Variants in PKIB observed in about 807,000 individuals in gnomAD.
PKIB encodes PKI-beta.
Under a neutral mutation model 4.5 loss-of-function variants are expected in PKIB, and 2 were observed. That is an observed-to-expected ratio of 0.44 (90% CI 0.18 to 1.39). The LOEUF is 1.39. Among genes scored for constraint, PKIB ranks in the 40% most tolerant of loss-of-function variants. The pLI, the probability that PKIB is intolerant of heterozygous loss-of-function variation, is 0.27. For synonymous variants in PKIB, 38 were observed against 36.0 expected (o/e 1.06, Z -0.20); for missense variants, 94 against 92.6 (o/e 1.02, Z -0.06).
At chr6:122,501,898 T>G (rs1484113822) in intron 2 of PKIB, among the ~76,000 whole-genome samples, 3 of 151,456 alleles carry the variant, frequency 2.0e-5, no homozygotes, top group Non-Finnish European at 4.4e-5. Context: ...TTTATGCAAA[T>G]AAGCATAGGC....
chr6:122,595,441 C>A (rs1343364182), intron 3 of PKIB, among the ~76,000 whole-genome samples: 1 of 152,138 alleles, frequency 6.6e-6, no homozygotes, highest in Non-Finnish European at 1.5e-5. Context: ...TTGTCAGAGG[C>A]AATGCTGTGT....
At chr6:122,585,488 A>G (rs1773823867) in intron 2 of PKIB, 1 of 152,130 alleles carries the variant, frequency 6.6e-6, no homozygotes, top group South Asian at 2.1e-4. Flanking sequence ...CTCTCACTGG[A>G]ATAGAGGTCT....
intron 2 of PKIB, among the ~76,000 whole-genome samples, chr6:122,664,623 T>G (rs890571233): frequency 6.6e-6 from 1 of 152,124 alleles, no homozygotes; most frequent in Non-Finnish European, 1.5e-5. Context: ...TGTTGCAGGA[T>G]GGACTCAAGC....
intron 3 of PKIB, 107 bp from the exon 4 acceptor site, chr6:122,717,680 A>G (rs1046239131): frequency 9.6e-7 from 1 of 1,037,498 alleles, no homozygotes; most frequent in East Asian, 2.4e-5. Flanking sequence ...CAATGATTAG[A>G]CTCTCAAGCC....
intron 3 of PKIB, among the ~76,000 whole-genome samples, chr6:122,706,327 A>G (rs560273243): frequency 3.2e-4 from 48 of 152,304 alleles, no homozygotes; most frequent in African/African-American, 1.2e-3. Context: ...AATATGCAAC[A>G]TATTCCATCT....
At chr6:122,705,042 G>GTTTATTT (rs1778999797) in intron 3 of PKIB, among the ~76,000 whole-genome samples, 1 of 152,026 alleles carries the variant, frequency 6.6e-6, no homozygotes, top group Non-Finnish European at 1.5e-5. Context: ...GGAAACAGAG[G>GTTTATTT]GAGACCTTGT....
At chr6:122,539,634 A>T (rs1276075701) in intron 2 of PKIB, among the ~76,000 whole-genome samples, 3 of 152,044 alleles carry the variant, frequency 2.0e-5, no homozygotes, top group African/African-American at 7.3e-5. Flanking sequence ...ATATTGGTCT[A>T]AAATTCTCTT....
intron 2 of PKIB, among the ~76,000 whole-genome samples, chr6:122,648,697 A>G (rs1444305684): frequency 1.3e-5 from 2 of 152,200 alleles, no homozygotes; most frequent in Admixed American, 6.5e-5. Context: ...GTAAATTTAT[A>G]TCCATAGTAA....
chr6:122,684,338 TAA>T (rs1034336100), intron 3 of PKIB, among the ~76,000 whole-genome samples: 5 of 152,230 alleles, frequency 3.3e-5, no homozygotes, highest in African/African-American at 1.2e-4. Flanking sequence ...GATCTCATGT[TAA>T]GTGTTATTTT....
chr6:122,638,372 C>A (rs1020573267), intron 2 of PKIB, among the ~76,000 whole-genome samples: 4 of 152,142 alleles, frequency 2.6e-5, no homozygotes, highest in African/African-American at 9.7e-5. Context: ...CTCTGAGGAC[C>A]AAATATCTCA....
chr6:122,540,284 T>G (rs1002078736), intron 2 of PKIB, among the ~76,000 whole-genome samples: 1 of 152,040 alleles, frequency 6.6e-6, no homozygotes, highest in Non-Finnish European at 1.5e-5. Context: ...GGGTGTCAAT[T>G]CTGGATCTTT....
chr6:122,555,201 A>G (rs915606286), intron 2 of PKIB, among the ~76,000 whole-genome samples: 1 of 152,224 alleles, frequency 6.6e-6, no homozygotes, highest in Non-Finnish European at 1.5e-5. Context: ...AATAAAGGAT[A>G]TTTGAGTTGA....
intron 2 of PKIB, among the ~76,000 whole-genome samples, chr6:122,537,207 T>C (rs1233364904): frequency 2.0e-5 from 3 of 152,138 alleles, no homozygotes; most frequent in Non-Finnish European, 4.4e-5. Flanking sequence ...AGGGTACATG[T>C]GCACAATGTG....
intron 2 of PKIB, among the ~76,000 whole-genome samples, chr6:122,672,535 T>C (rs926918107): frequency 1.3e-5 from 2 of 152,158 alleles, no homozygotes; most frequent in African/African-American, 2.4e-5. Flanking sequence ...TTAGCTTCCA[T>C]GTATATCACC....
intron 2 of PKIB, among the ~76,000 whole-genome samples, chr6:122,558,895 G>A (rs1772930000): frequency 6.6e-6 from 1 of 152,034 alleles, no homozygotes; most frequent in South Asian, 2.1e-4. Flanking sequence ...TTTATCCCTT[G>A]CTTCCCTCCC....
chr6:122,640,931 C>T (rs537554373), intron 2 of PKIB, among the ~76,000 whole-genome samples: 2 of 151,836 alleles, frequency 1.3e-5, no homozygotes, highest in African/African-American at 2.4e-5. Context: ...TCATATTATA[C>T]GAATATGAAT....
chr6:122,504,929 CT>C (rs1164911119), intron 2 of PKIB, among the ~76,000 whole-genome samples: 1 of 152,086 alleles, frequency 6.6e-6, no homozygotes, highest in Non-Finnish European at 1.5e-5. Context: ...GTTAAGAGTT[CT>C]TAAAGGTGGG....
chr6:122,574,346 C>T (rs531455277), intron 2 of PKIB, among the ~76,000 whole-genome samples: 1 of 152,206 alleles, frequency 6.6e-6, no homozygotes, highest in South Asian at 2.1e-4. Flanking sequence ...ACAAATAAAT[C>T]TACAGATTCA....
chr6:122,646,281 A>G (rs1033712492), intron 2 of PKIB, among the ~76,000 whole-genome samples: 1 of 152,154 alleles, frequency 6.6e-6, no homozygotes, highest in East Asian at 1.9e-4. Flanking sequence ...CCTGACAGTC[A>G]TTATTTGGGG....
Sources: gnomAD v4.1 joint callset for allele counts (sites outside exome capture counted in the v4.1 genomes callset) on GRCh38, gnomAD v4.1.1 for gene constraint, MANE v1.5 for transcripts, NCBI Gene and HGNC (gene_info 2026-07-23, HGNC 2026-07-21) for gene names.